ELF2: variants seen among roughly 807,000 people sequenced by gnomAD.
ELF2 encodes E74 like ETS transcription factor 2.
A neutral mutation model predicts 54.8 loss-of-function variants in ELF2; 11 were observed. The observed-to-expected ratio is 0.20, with a 90% confidence interval of 0.13 to 0.33. The LOEUF is 0.33. ELF2 is among the 10% of genes least tolerant of loss of function. The pLI is 1.00. For synonymous variants in ELF2, 203 were observed against 245.1 expected (o/e 0.83, Z 1.61); for missense variants, 513 against 703.0 (o/e 0.73, Z 3.06).
At chr4:139,161,592 G>A (rs568094571) in intron 1 of ELF2, among the ~76,000 whole-genome samples, 1 of 135,278 alleles carries the variant, frequency 7.4e-6, no homozygotes, top group Admixed American at 8.3e-5. Context: ...AAAGTAACCT[G>A]AATGACGACT....
At chr4:139,141,620 C>T (rs1339428492) in intron 1 of ELF2, among the ~76,000 whole-genome samples, 1 of 152,150 alleles carries the variant, frequency 6.6e-6, no homozygotes, top group Non-Finnish European at 1.5e-5. Flanking sequence ...GTCTAGTCAC[C>T]TTGGCCCCCC....
At chr4:139,170,569 T>C (rs1742192925) in intron 1 of ELF2, among the ~76,000 whole-genome samples, 1 of 151,204 alleles carries the variant, frequency 6.6e-6, no homozygotes. Flanking sequence ...GCCACCAATT[T>C]TTTAAGCAAT....
chr4:139,123,282 ATT>A (rs1736583946), intron 4 of ELF2, among the ~76,000 whole-genome samples: 1 of 152,148 alleles, frequency 6.6e-6, no homozygotes, highest in Non-Finnish European at 1.5e-5. Context: ...ATATGCTTAC[ATT>A]TTCTTTTTGT....
intron 4 of ELF2, among the ~76,000 whole-genome samples, chr4:139,119,247 C>A (rs1736070605): frequency 6.6e-6 from 1 of 152,220 alleles, no homozygotes; most frequent in African/African-American, 2.4e-5. Flanking sequence ...AAATTTATTT[C>A]CACGGCTTTA....
chr4:139,063,669 T>C (rs1728225789), intron 7 of ELF2, among the ~76,000 whole-genome samples: 1 of 152,144 alleles, frequency 6.6e-6, no homozygotes, highest in Non-Finnish European at 1.5e-5. Context: ...ATGCAAGAAA[T>C]AAATAACAAT....
intron 1 of ELF2, among the ~76,000 whole-genome samples, chr4:139,141,621 T>C (rs189302040): frequency 6.6e-6 from 1 of 152,318 alleles, no homozygotes; most frequent in African/African-American, 2.4e-5. Flanking sequence ...TCTAGTCACC[T>C]TGGCCCCCCA....
intron 7 of ELF2, chr4:139,065,924 A>C (rs1291338701): frequency 6.6e-6 from 1 of 152,058 alleles, no homozygotes; most frequent in East Asian, 1.9e-4. Context: ...AGTGTACAAC[A>C]ACCAAAGACA....
Position 139,083,196 on chromosome 4 carries a change from G to A in ELF2, c.239-9629C>T, listed in dbSNP as rs185624233. ...GTGGGAGGTTTGGGGGGGGGTAGAG[G>A]GGAAGGGGGCAATTCCGTGCTGAGA... On this transcript the variant is annotated intron_variant, in intron 4 of 9. Coordinates refer to ENST00000686138, the MANE Select transcript of ELF2 (RefSeq NM_001331036.3). Among the ~76,000 whole-genome samples, 253 of 152,224 alleles carry A rather than the reference G, an allele frequency of 1.7e-3. 1 individual carries two copies. Among genetic ancestry groups the A allele is most frequent in the South Asian group, 7.1e-3 (34 of 4,814 alleles).
At chr4:139,150,468 G>A (rs550540766) in intron 1 of ELF2, among the ~76,000 whole-genome samples, 64 of 149,302 alleles carry the variant, frequency 4.3e-4, no homozygotes, top group Non-Finnish European at 8.1e-4. Flanking sequence ...GCAGTAAGCC[G>A]TGATCACACC....
At chr4:139,095,182 T>C (rs1011170523) in intron 4 of ELF2, among the ~76,000 whole-genome samples, 3 of 148,718 alleles carry the variant, frequency 2.0e-5, no homozygotes, top group Non-Finnish European at 4.4e-5. Flanking sequence ...ATATTTGCTA[T>C]AGATTTTTTT....
At position 139,057,929 on chromosome 4, in the gene ELF2, G is replaced by C; in HGVS notation, c.*1054C>G. 1 of 152,014 alleles carries C rather than the reference G, an allele frequency of 6.6e-6. No individual in the cohort carries two copies. Among genetic ancestry groups the C allele is most frequent in the Non-Finnish European group, 1.5e-5 (1 of 67,928 alleles). The allele number at this position is 152,014 out of a possible 1,614,324, so 9.4% of individuals were successfully genotyped here. On this transcript the variant is annotated 3_prime_UTR_variant, in exon 10 of 10. Coordinates refer to ENST00000686138, the MANE Select transcript of ELF2 (RefSeq NM_001331036.3). ...TTTGAAACAAGAGTACAACAAAATA[G>C]AATATACTTCAAATGTTGAATATAC...
chr4:139,118,219 A>C (rs979738985), intron 4 of ELF2, among the ~76,000 whole-genome samples: 1 of 152,196 alleles, frequency 6.6e-6, no homozygotes, highest in Non-Finnish European at 1.5e-5. Flanking sequence ...GAGTATATAC[A>C]ACAAAAATAA....
At chr4:139,114,476 G>A (rs1433664790) in intron 4 of ELF2, among the ~76,000 whole-genome samples, 1 of 151,438 alleles carries the variant, frequency 6.6e-6, no homozygotes. Flanking sequence ...GGCTGAGGCA[G>A]GAGAATCGCT....
intron 3 of ELF2, among the ~76,000 whole-genome samples, chr4:139,133,814 T>C (rs1205728640): frequency 6.6e-6 from 1 of 152,168 alleles, no homozygotes; most frequent in Non-Finnish European, 1.5e-5. Context: ...TTTCCAATTG[T>C]ATATTGCTAG....
At chr4:139,083,124 C>A (rs956609450) in intron 4 of ELF2, among the ~76,000 whole-genome samples, 4 of 151,960 alleles carry the variant, frequency 2.6e-5, no homozygotes, top group Non-Finnish European at 4.4e-5. Flanking sequence ...GAACCAGAGG[C>A]CTGTCAATCC....
chr4:139,072,244 G>T (rs1729620092), intron 5 of ELF2: 1 of 514,416 alleles, frequency 1.9e-6, no homozygotes, highest in South Asian at 2.6e-5. Context: ...CAACTTAAAG[G>T]AAAAATGTTA....
intron 1 of ELF2, among the ~76,000 whole-genome samples, chr4:139,145,158 C>A (rs1233223246): frequency 6.6e-6 from 1 of 152,240 alleles, no homozygotes; most frequent in Non-Finnish European, 1.5e-5. Context: ...CAGTTATCAG[C>A]ACTGTCTGCA....
intron 4 of ELF2, among the ~76,000 whole-genome samples, chr4:139,095,500 T>A (rs1314085193): frequency 6.6e-6 from 1 of 152,156 alleles, no homozygotes; most frequent in Non-Finnish European, 1.5e-5. Context: ...AGATTTTTAA[T>A]ATATACTCTT....
At chr4:139,097,579 T>C (rs944148350) in intron 4 of ELF2, among the ~76,000 whole-genome samples, 1 of 146,142 alleles carries the variant, frequency 6.8e-6, no homozygotes, top group African/African-American at 2.6e-5. Flanking sequence ...ATCATGCCAC[T>C]GCACTCCAGC....
Sources: allele counts gnomAD v4.1 joint callset (sites outside exome capture counted in the v4.1 genomes callset), GRCh38; gene constraint gnomAD v4.1.1; transcripts MANE v1.5; gene names NCBI Gene and HGNC (gene_info 2026-07-23, HGNC 2026-07-21).